The following DCLK1 variants were observed in gnomAD, a reference collection of about 807,000 sequenced individuals.
DCLK1 encodes the protein doublecortin like kinase 1.
In DCLK1, 16 loss-of-function variants were observed where a neutral mutation model predicts 86.2. The observed-to-expected ratio is 0.19, with a 90% confidence interval of 0.13 to 0.28. The LOEUF is 0.28. Among genes scored for constraint, DCLK1 ranks in the 10% least tolerant of loss-of-function variants. The pLI, the probability that DCLK1 is intolerant of heterozygous loss-of-function variation, is 1.00. For missense variants in DCLK1, 590 were observed against 940.2 expected (o/e 0.63, Z 4.87); for synonymous variants, 369 against 370.5 (o/e 1.00, Z 0.05).
At chr13:35,887,878 CAAAAAAAAAAAA>C (rs760195385) in intron 4 of DCLK1, among the ~76,000 whole-genome samples, 11 of 38,742 alleles carry the variant, frequency 2.8e-4, no homozygotes, top group South Asian at 2.7e-3. Flanking sequence ...GATCTTGTCT[CAAAAAAAAAAAA>C]AAAAAAAAAA....
At chr13:35,850,385 G>A (rs1593659717) in intron 6 of DCLK1, 2 of 1,018,430 alleles carry the variant, frequency 2.0e-6, no homozygotes, top group East Asian at 1.8e-4. Context: ...AGAAATTCTG[G>A]CTCTATATTG....
chr13:35,835,936 T>A (rs1869336815), intron 8 of DCLK1, 97 bp downstream of exon 8: 14 of 918,972 alleles, frequency 1.5e-5, no homozygotes, highest in Non-Finnish European at 1.5e-5. Flanking sequence ...ATTAACTTAT[T>A]CCATATGTGC....
rs10533073 is a variant in DCLK1 at position 35,964,781 on chromosome 13, G to GAA, written c.724-17326_724-17325dup. ...TGGTTTTTACATTTTAAAATGGTTG[G>GAA]AAAAAAAAAAAAAAAAACTCAAGCG... is the stretch of plus-strand genomic sequence containing the variant. On this transcript the variant is annotated intron_variant, in intron 3 of 16. Transcript: ENST00000360631. 1.9e-3 allele frequency among the ~76,000 whole-genome samples: 253 copies of GAA among 130,196 alleles called. 3 individuals are homozygous for GAA. Among genetic ancestry groups the GAA allele is most frequent in the East Asian group, 0.018 (84 of 4,698 alleles). 85.4% of individuals were successfully genotyped at this position (130,196 alleles called of 152,430 possible).
chr13:36,112,961 T>C (rs1232878977), intron 2 of DCLK1, among the ~76,000 whole-genome samples: 3 of 152,138 alleles, frequency 2.0e-5, no homozygotes, highest in Non-Finnish European at 2.9e-5. Context: ...TAGATGTAGA[T>C]CACACACACA....
chr13:35,896,408 T>C (rs550763153), intron 4 of DCLK1, among the ~76,000 whole-genome samples: 1 of 151,896 alleles, frequency 6.6e-6, no homozygotes, highest in East Asian at 1.9e-4. Context: ...GTATGGTGCA[T>C]GCGCCTGTAA....
intron 3 of DCLK1, among the ~76,000 whole-genome samples, chr13:36,065,317 G>GCT (rs1883708301): frequency 2.0e-5 from 3 of 152,336 alleles, no homozygotes; most frequent in Non-Finnish European, 4.4e-5. Flanking sequence ...TGTGGGCACA[G>GCT]AATAAGGACT....
At chr13:36,108,162 C>G (rs1885470864) in intron 3 of DCLK1, among the ~76,000 whole-genome samples, 1 of 152,048 alleles carries the variant, frequency 6.6e-6, no homozygotes, top group African/African-American at 2.4e-5. Context: ...GACTGATGAC[C>G]TGGTGAGCAG....
At chr13:36,070,331 T>C (rs189034960) in intron 3 of DCLK1, among the ~76,000 whole-genome samples, 4 of 152,178 alleles carry the variant, frequency 2.6e-5, no homozygotes, top group Admixed American at 6.5e-5. Context: ...GAAAGTCTTT[T>C]GAAAAGGGCT....
intron 4 of DCLK1, among the ~76,000 whole-genome samples, chr13:35,941,092 A>G (rs903614785): frequency 1.3e-5 from 2 of 152,200 alleles, no homozygotes; most frequent in Admixed American, 6.5e-5. Context: ...AGAAAGTAGG[A>G]CATAGAGCCT....
chr13:35,968,791 CAAG>C (rs1349526905), intron 3 of DCLK1, among the ~76,000 whole-genome samples: 1 of 151,990 alleles, frequency 6.6e-6, no homozygotes. Context: ...AAGAACAAAA[CAAG>C]AAGAAAAAAC....
At chr13:36,093,989 A>T (rs1484299786) in intron 3 of DCLK1, among the ~76,000 whole-genome samples, 2 of 152,180 alleles carry the variant, frequency 1.3e-5, no homozygotes, top group African/African-American at 2.4e-5. Flanking sequence ...CCTGGACTCC[A>T]GTGATCCTCC....
intron 3 of DCLK1, among the ~76,000 whole-genome samples, chr13:35,964,788 A>C (rs1216281284): frequency 6.6e-6 from 1 of 152,056 alleles, no homozygotes; most frequent in Admixed American, 6.5e-5. Context: ...TTGGAAAAAA[A>C]AAAAAAAAAA....
intron 11 of DCLK1, 45 bp downstream of exon 11, chr13:35,822,684 G>C (rs1343331063): frequency 6.2e-7 from 1 of 1,610,178 alleles, no homozygotes; most frequent in African/African-American, 1.3e-5. Context: ...ATTCCTTCAT[G>C]AGTGCTTGGA....
intron 3 of DCLK1, among the ~76,000 whole-genome samples, chr13:36,026,065 A>G (rs1882022165): frequency 6.6e-6 from 1 of 152,156 alleles, no homozygotes; most frequent in African/African-American, 2.4e-5. Context: ...AATGAAACAA[A>G]CTGTCATGTT....
chr13:36,016,738 TA>T (rs1173533071), intron 3 of DCLK1, among the ~76,000 whole-genome samples: 1 of 152,212 alleles, frequency 6.6e-6, no homozygotes, highest in Non-Finnish European at 1.5e-5. Flanking sequence ...GTAGCCACAT[TA>T]ATAAACTAAA....
chr13:36,045,201 C>G (rs1882836494), intron 3 of DCLK1, among the ~76,000 whole-genome samples: 1 of 148,274 alleles, frequency 6.7e-6, no homozygotes, highest in African/African-American at 2.5e-5. Context: ...TTACCATAGT[C>G]ACCTCATCAC....
At chr13:36,054,316 AT>A (rs1883223698) in intron 3 of DCLK1, among the ~76,000 whole-genome samples, 1 of 152,164 alleles carries the variant, frequency 6.6e-6, no homozygotes, top group Admixed American at 6.5e-5. Context: ...CAGTACAAAC[AT>A]GGAGCTCATG....
chr13:36,097,492 T>A (rs1885060502), intron 3 of DCLK1, among the ~76,000 whole-genome samples: 1 of 152,210 alleles, frequency 6.6e-6, no homozygotes, highest in African/African-American at 2.4e-5. Context: ...GTTAGTTACA[T>A]TAAAAATGTT....
intron 16 of DCLK1, among the ~76,000 whole-genome samples, chr13:35,778,572 GC>G: frequency 6.6e-6 from 1 of 152,174 alleles, no homozygotes; most frequent in African/African-American, 2.4e-5. Context: ...CCCATGAATG[GC>G]CCAAGATGGG....
Sources: gnomAD v4.1 joint callset for allele counts (sites outside exome capture counted in the v4.1 genomes callset) on GRCh38, gnomAD v4.1.1 for gene constraint, MANE v1.5 for transcripts, NCBI Gene and HGNC (gene_info 2026-07-23, HGNC 2026-07-21) for gene names.